Variants in FAM227B observed in about 807,000 individuals in gnomAD.
The protein encoded by FAM227B is family with sequence similarity 227 member B, also known as protein FAM227B.
FAM227B carries 88 observed loss-of-function variants against 73.8 expected under a neutral mutation model. That is an observed-to-expected ratio of 1.19 (90% confidence interval 1.00 to 1.42). FAM227B has a LOEUF of 1.42. Among genes scored for constraint, FAM227B ranks in the 40% most tolerant of loss-of-function variants. The pLI is 0.00. For synonymous variants in FAM227B, 210 were observed against 190.5 expected (o/e 1.10, Z -0.84); for missense variants, 632 against 590.9 (o/e 1.07, Z -0.72).
chr15:49,518,933 G>C (rs556430175), intron 10 of FAM227B, among the ~76,000 whole-genome samples: 231 of 152,294 alleles, frequency 1.5e-3, no homozygotes, highest in African/African-American at 5.3e-3. Context: ...GACAAAGCAA[G>C]TCTCTTCTGA....
intron 10 of FAM227B, among the ~76,000 whole-genome samples, chr15:49,508,551 A>T (rs1383242538): frequency 6.6e-6 from 1 of 152,210 alleles, no homozygotes; most frequent in East Asian, 1.9e-4. Flanking sequence ...AAATGAGAAT[A>T]ACATAAATTA....
intron 10 of FAM227B, among the ~76,000 whole-genome samples, chr15:49,511,516 A>G (rs1045789507): frequency 1.3e-4 from 19 of 151,886 alleles, no homozygotes; most frequent in African/African-American, 4.4e-4. Context: ...TGTTATATAG[A>G]TAAACGTGTA....
chr15:49,578,074 A>C (rs2075574828), intron 5 of FAM227B, among the ~76,000 whole-genome samples: 2 of 152,186 alleles, frequency 1.3e-5, no homozygotes, highest in South Asian at 4.1e-4. Context: ...CAGATGGAGA[A>C]ATTAGTTATG....
intron 9 of FAM227B, among the ~76,000 whole-genome samples, chr15:49,559,058 A>C (rs573781936): frequency 1.3e-5 from 2 of 152,300 alleles, no homozygotes; most frequent in Non-Finnish European, 2.9e-5. Flanking sequence ...AGAGTCACAA[A>C]ACAGGCATTT....
At chr15:49,334,849 C>T (rs1448726797) in intron 14 of FAM227B, among the ~76,000 whole-genome samples, 1 of 152,152 alleles carries the variant, frequency 6.6e-6, no homozygotes, top group Non-Finnish European at 1.5e-5. Context: ...AAGAACTGGA[C>T]CCTGCCCATT....
At chr15:49,445,553 A>T (rs574757352) in intron 11 of FAM227B, among the ~76,000 whole-genome samples, 2 of 151,670 alleles carry the variant, frequency 1.3e-5, no homozygotes, top group African/African-American at 4.8e-5. Flanking sequence ...AGTTTGGTTC[A>T]GATAAATGTC....
intron 11 of FAM227B, among the ~76,000 whole-genome samples, chr15:49,441,670 T>G (rs376029994): frequency 6.6e-6 from 1 of 151,740 alleles, no homozygotes; most frequent in Non-Finnish European, 1.5e-5. Flanking sequence ...ATTTCATATG[T>G]TCAGCCTCTC....
At chr15:49,572,219 T>C (rs1390605227) in intron 8 of FAM227B, among the ~76,000 whole-genome samples, 7 of 152,058 alleles carry the variant, frequency 4.6e-5, no homozygotes, top group Non-Finnish European at 1.5e-5. Flanking sequence ...ACTTAATTCA[T>C]ACATTTCTAA....
intron 3 of FAM227B, among the ~76,000 whole-genome samples, chr15:49,595,846 A>C (rs1157036795): frequency 6.6e-6 from 1 of 152,068 alleles, no homozygotes; most frequent in Non-Finnish European, 1.5e-5. Context: ...ATAGAATCAA[A>C]CAAGTAGAAT....
chr15:49,524,578 A>G (rs1202439870), intron 10 of FAM227B, among the ~76,000 whole-genome samples: 2 of 152,224 alleles, frequency 1.3e-5, no homozygotes, highest in Admixed American at 6.5e-5. Context: ...GGCACTGCCT[A>G]GTGGATCTGT....
chr15:49,400,897 C>T (rs1346622522), intron 11 of FAM227B, among the ~76,000 whole-genome samples: 2 of 151,542 alleles, frequency 1.3e-5, no homozygotes, highest in African/African-American at 2.4e-5. Flanking sequence ...CCATAAAAAC[C>T]CTAGAAGAAA....
chr15:49,601,328 A>T (rs1598481459), intron 3 of FAM227B, among the ~76,000 whole-genome samples: 1 of 151,990 alleles, frequency 6.6e-6, no homozygotes, highest in Non-Finnish European at 1.5e-5. Context: ...AGGCTTACAT[A>T]AAACATCTTA....
chr15:49,540,068 A>AGT (rs376831560), intron 10 of FAM227B, among the ~76,000 whole-genome samples: 90 of 152,132 alleles, frequency 5.9e-4, no homozygotes, highest in Non-Finnish European at 1.2e-3. Context: ...GGAGCACAGC[A>AGT]GTCTCTCTCT....
intron 13 of FAM227B, chr15:49,365,682 C>T: frequency 1.1e-6 from 1 of 938,516 alleles, no homozygotes; most frequent in South Asian, 1.3e-5. Context: ...TGAAGCTGGC[C>T]AACTTCAGTG....
chr15:49,611,568 A>G (rs2077919792), intron 2 of FAM227B, among the ~76,000 whole-genome samples: 1 of 152,236 alleles, frequency 6.6e-6, no homozygotes. Flanking sequence ...AAAGAGTTCC[A>G]AGATATTTTG....
intron 15 of FAM227B, 182 bp from the exon 16 acceptor site, chr15:49,328,857 A>ATCTATT (rs2038015606): frequency 1.5e-6 from 2 of 1,348,674 alleles, no homozygotes; most frequent in Non-Finnish European, 1.9e-6. Flanking sequence ...TAATATATAA[A>ATCTATT]TAACCACTTT....
chr15:49,478,459 T>C (rs1298758354), intron 11 of FAM227B, among the ~76,000 whole-genome samples: 5 of 152,128 alleles, frequency 3.3e-5, no homozygotes, highest in African/African-American at 1.2e-4. Flanking sequence ...ATCTATAGCC[T>C]TAAACATAAT....
intron 11 of FAM227B, among the ~76,000 whole-genome samples, chr15:49,476,585 G>T (rs1251925593): frequency 1.4e-5 from 2 of 140,526 alleles, no homozygotes; most frequent in Admixed American, 1.5e-4. Context: ...CATTACCAAA[G>T]ACATTTTTAA....
At chr15:49,336,202 G>A (rs754850198) in intron 13 of FAM227B, among the ~76,000 whole-genome samples, 23 of 152,244 alleles carry the variant, frequency 1.5e-4, no homozygotes, top group Non-Finnish European at 3.2e-4. Context: ...CAGTTAGCCT[G>A]GCTTCTGCCA....
Sources: allele counts gnomAD v4.1 joint callset (sites outside exome capture counted in the v4.1 genomes callset), GRCh38; gene constraint gnomAD v4.1.1; transcripts MANE v1.5; gene names NCBI Gene and HGNC (gene_info 2026-07-23, HGNC 2026-07-21).